TNS3: variants seen among roughly 807,000 people sequenced by gnomAD.
TNS3 encodes the protein tensin 3, also known as tensin-3.
A neutral mutation model predicts 140.9 loss-of-function variants in TNS3; 45 were observed. The observed-to-expected ratio is 0.32, with a 90% CI of 0.25 to 0.41. The LOEUF (loss-of-function observed/expected upper bound fraction) is 0.41, where lower values mean the gene tolerates loss of function less well. Among genes scored for constraint, TNS3 ranks in the 10% least tolerant of loss-of-function variants. The pLI is 1.00. For missense variants in TNS3, 1,716 were observed against 1,906.7 expected, an observed-to-expected ratio of 0.90 and a Z score of 1.86; for synonymous variants, 815 against 788.4, an observed-to-expected ratio of 1.03 and a Z score of -0.56.
intron 9 of TNS3, among the ~76,000 whole-genome samples, chr7:47,426,536 A>T (rs1794659484): frequency 6.6e-6 from 1 of 152,198 alleles, no homozygotes; most frequent in South Asian, 2.1e-4. Context: ...ATACCTGAGT[A>T]CCGATGCTGT....
At chr7:47,533,867 C>T (rs1306162775) in intron 1 of TNS3, among the ~76,000 whole-genome samples, 1 of 152,144 alleles carries the variant, frequency 6.6e-6, no homozygotes, top group East Asian at 1.9e-4. Flanking sequence ...ATTGTGAGGC[C>T]TCCCCAGCAC....
chr7:47,453,234 C>G (rs1011608529), intron 4 of TNS3: 49 of 985,294 alleles, frequency 5.0e-5, no homozygotes, highest in Non-Finnish European at 5.8e-5. Flanking sequence ...GCCAGCCTGC[C>G]GAGGGCCAGC....
At chr7:47,509,572 G>A (rs182838) in intron 2 of TNS3, among the ~76,000 whole-genome samples, 52,968 of 151,914 alleles carry the variant, frequency 0.35, 10,714 homozygotes, top group Non-Finnish European at 0.46. Flanking sequence ...ACTCCAGCCC[G>A]TCTGTGCATC....
intron 2 of TNS3, among the ~76,000 whole-genome samples, chr7:47,519,129 G>T (rs776152397): frequency 3.9e-5 from 6 of 152,056 alleles, no homozygotes; most frequent in Non-Finnish European, 5.9e-5. Flanking sequence ...ACCCACTGAG[G>T]CCCCGCCTGC....
At position 47,528,128 on chromosome 7, in the gene TNS3, C is replaced by T. The variant is rs116688326; in HGVS notation, c.-153+908G>A. 6.4e-3 allele frequency among the ~76,000 whole-genome samples: 972 copies of T among 152,218 alleles called. 14 individuals carry two copies. The highest frequency in any genetic ancestry group is 0.022 in the African/African-American group (907 of 41,534). ...CCAAGGGGCCGAATCAGAGGAGGGGCACCCCAGTCTTCTCACCCACACTCA... is the reference window on the plus strand; with the variant it reads ...CCAAGGGGCCGAATCAGAGGAGGGGTACCCCAGTCTTCTCACCCACACTCA... On this transcript the variant is annotated intron_variant, in intron 2 of 30. Coordinates refer to ENST00000311160, the MANE Select transcript of TNS3 (RefSeq NM_022748.12).
chr7:47,465,214 A>C (rs1024169074), intron 4 of TNS3, among the ~76,000 whole-genome samples: 2 of 152,258 alleles, frequency 1.3e-5, no homozygotes, highest in Admixed American at 6.5e-5. Flanking sequence ...GTTTTCAGCG[A>C]AACATTTCAT....
intron 4 of TNS3, among the ~76,000 whole-genome samples, 185 bp from the exon 5 acceptor site, chr7:47,442,240 C>G (rs1448127472): frequency 1.3e-5 from 2 of 152,202 alleles, no homozygotes; most frequent in African/African-American, 4.8e-5. Flanking sequence ...TGATTCAGCT[C>G]ACCAGAGGAC....
chr7:47,348,163 C>T (rs931087666), intron 17 of TNS3, among the ~76,000 whole-genome samples: 9 of 152,206 alleles, frequency 5.9e-5, no homozygotes, highest in Non-Finnish European at 1.0e-4. Context: ...GCTGGCCCCA[C>T]GCACCACCTG....
chr7:47,545,733 T>C (rs1243934023), intron 1 of TNS3, among the ~76,000 whole-genome samples: 3 of 152,152 alleles, frequency 2.0e-5, no homozygotes, highest in Admixed American at 6.5e-5. Context: ...TGCCCCAACA[T>C]TGCCTGACTT....
At chr7:47,432,860 G>T (rs889819021) in intron 8 of TNS3, among the ~76,000 whole-genome samples, 5 of 152,212 alleles carry the variant, frequency 3.3e-5, no homozygotes, top group East Asian at 1.9e-4. Context: ...TAGGCTCATG[G>T]ACTGTTACGT....
intron 17 of TNS3, among the ~76,000 whole-genome samples, chr7:47,350,581 G>C (rs1393383885): frequency 6.6e-6 from 1 of 152,240 alleles, no homozygotes; most frequent in Non-Finnish European, 1.5e-5. Flanking sequence ...GCTGGCGGGA[G>C]CTGCTGTTGA....
chr7:47,350,914 AAAGATGC>A (rs1789632481), intron 17 of TNS3, among the ~76,000 whole-genome samples: 1 of 152,236 alleles, frequency 6.6e-6, no homozygotes, highest in African/African-American at 2.4e-5. Flanking sequence ...GACAGTGGGC[AAAGATGC>A]ATGTGTAGTG....
intron 5 of TNS3, among the ~76,000 whole-genome samples, chr7:47,441,796 T>G (rs1795478996): frequency 6.6e-6 from 1 of 152,186 alleles, no homozygotes; most frequent in South Asian, 2.1e-4. Flanking sequence ...ATCACAGGTG[T>G]TTCTACCACC....
intron 23 of TNS3, among the ~76,000 whole-genome samples, chr7:47,300,878 G>C (rs554790251): frequency 1.4e-3 from 216 of 152,284 alleles, no homozygotes; most frequent in African/African-American, 4.8e-3. Context: ...GTTTCACAAA[G>C]GCCAATTCAG....
chr7:47,401,816 G>A (rs1562693812), intron 13 of TNS3, among the ~76,000 whole-genome samples: 2 of 152,252 alleles, frequency 1.3e-5, no homozygotes, highest in Non-Finnish European at 2.9e-5. Context: ...GAGATCAGGG[G>A]CAGGACCACC....
intron 13 of TNS3, among the ~76,000 whole-genome samples, chr7:47,404,509 G>T (rs1793334668): frequency 6.6e-6 from 1 of 152,208 alleles, no homozygotes; most frequent in African/African-American, 2.4e-5. Flanking sequence ...GGGAAGGCCT[G>T]TAAGCACTCT....
chr7:47,317,788 G>T (rs1356454798), intron 20 of TNS3, among the ~76,000 whole-genome samples: 1 of 152,224 alleles, frequency 6.6e-6, no homozygotes, highest in Non-Finnish European at 1.5e-5. Flanking sequence ...CAGCTGAGAA[G>T]ATCAGGGTCT....
intron 26 of TNS3, 84 bp downstream of exon 26, chr7:47,292,744 G>A: frequency 2.4e-6 from 3 of 1,253,338 alleles, no homozygotes; most frequent in Non-Finnish European, 3.4e-6. Flanking sequence ...ATTTTTCTCA[G>A]TGGATCTTCA....
At chr7:47,328,773 C>G (rs1788171019) in intron 20 of TNS3, among the ~76,000 whole-genome samples, 1 of 152,210 alleles carries the variant, frequency 6.6e-6, no homozygotes, top group African/African-American at 2.4e-5. Context: ...CACCCTGTCA[C>G]TGCACTGCTC....
Sources: gnomAD v4.1 joint callset for allele counts (sites outside exome capture counted in the v4.1 genomes callset) on GRCh38, gnomAD v4.1.1 for gene constraint, MANE v1.5 for transcripts, NCBI Gene and HGNC (gene_info 2026-07-23, HGNC 2026-07-21) for gene names.